RALGAPA2: variants seen among roughly 807,000 people sequenced by gnomAD.
RALGAPA2 encodes the protein ral GTPase-activating protein subunit alpha-2.
In RALGAPA2, 139 loss-of-function variants were observed where a neutral mutation model predicts 230.4. The observed-to-expected ratio is 0.60, with a 90% CI of 0.53 to 0.69. RALGAPA2 has a LOEUF of 0.69. Ranked by LOEUF, RALGAPA2 falls within the 30% of genes least tolerant of loss-of-function variation. RALGAPA2 has a pLI of 0.00. For synonymous variants in RALGAPA2, 847 were observed against 837.8 expected (o/e 1.01, Z -0.19); for missense variants, 2,163 against 2,276.0 (o/e 0.95, Z 1.01).
intron 24 of RALGAPA2, among the ~76,000 whole-genome samples, chr20:20,546,360 T>G (rs1050338498): frequency 6.6e-6 from 1 of 152,244 alleles, no homozygotes; most frequent in Non-Finnish European, 1.5e-5. Flanking sequence ...CTAATGTACA[T>G]TTTAAAACTC....
At chr20:20,618,348 C>A (rs1296657609) in intron 12 of RALGAPA2, among the ~76,000 whole-genome samples, 1 of 152,040 alleles carries the variant, frequency 6.6e-6, no homozygotes, top group Non-Finnish European at 1.5e-5. Flanking sequence ...ATGAGCAGCA[C>A]CAAAAGTCTT....
chr20:20,531,500 C>T (rs1008671445), intron 27 of RALGAPA2, among the ~76,000 whole-genome samples, 187 bp downstream of exon 27: 1 of 152,228 alleles, frequency 6.6e-6, no homozygotes, highest in Non-Finnish European at 1.5e-5. Flanking sequence ...ACACTCGTGG[C>T]CAGGCTGCAG....
intron 3 of RALGAPA2, among the ~76,000 whole-genome samples, chr20:20,674,962 A>G (rs2068266519): frequency 6.6e-6 from 1 of 152,206 alleles, no homozygotes. Context: ...TGTCAAGAGT[A>G]TGTGCTTTAT....
intron 21 of RALGAPA2, 106 bp from the exon 22 acceptor site, chr20:20,572,052 A>G (rs2064660177): frequency 1.4e-6 from 1 of 734,736 alleles, no homozygotes; most frequent in African/African-American, 1.8e-5. Context: ...TAATTTCTAT[A>G]AGTGAAAACC....
intron 3 of RALGAPA2, among the ~76,000 whole-genome samples, chr20:20,664,797 A>G (rs1182807713): frequency 6.6e-6 from 1 of 152,180 alleles, no homozygotes; most frequent in African/African-American, 2.4e-5. Flanking sequence ...CACCCCATAA[A>G]TTCAGAGGAT....
chr20:20,544,395 G>C (rs2063727296), intron 24 of RALGAPA2, among the ~76,000 whole-genome samples: 2 of 151,564 alleles, frequency 1.3e-5, no homozygotes, highest in Admixed American at 6.6e-5. Context: ...TGGAGAAATA[G>C]GAATGCTTTT....
intron 37 of RALGAPA2, among the ~76,000 whole-genome samples, chr20:20,426,438 T>C (rs1189457072): frequency 6.6e-6 from 1 of 152,196 alleles, no homozygotes; most frequent in Non-Finnish European, 1.5e-5. Flanking sequence ...TTGAAAATAA[T>C]GAGTCTTGAT....
intron 24 of RALGAPA2, 105 bp from the exon 25 acceptor site, chr20:20,536,889 T>C: frequency 7.6e-7 from 1 of 1,309,348 alleles, no homozygotes; most frequent in Non-Finnish European, 1.0e-6. Context: ...ATACCAAACT[T>C]GGCCGAGTTA....
intron 37 of RALGAPA2, among the ~76,000 whole-genome samples, chr20:20,452,652 C>CCGGCCTTCAGAGGGGTAAG (rs1401051878): frequency 6.6e-6 from 1 of 152,234 alleles, no homozygotes; most frequent in Non-Finnish European, 1.5e-5. Flanking sequence ...GGCGACAATG[C>CCGGCCTTCAGAGGGGTAAG]CGGCCTTCAG....
In RALGAPA2 at chr20:20,393,253, C is replaced by A. The variant is rs745707907; in HGVS notation, c.*36G>T. On this transcript the variant is annotated splice_region_variant and 3_prime_UTR_variant, in exon 40 of 40. Coordinates refer to ENST00000202677, the MANE Select transcript of RALGAPA2 (RefSeq NM_020343.4). ...AGCACTCAGACTGGAGGCCAGGGCCCCTGCAAAGGAAGCAGAGAACTGCTA... is the reference window on the plus strand; with the variant it reads ...AGCACTCAGACTGGAGGCCAGGGCCACTGCAAAGGAAGCAGAGAACTGCTA... 1 of 1,343,322 alleles carries A rather than the reference C, an allele frequency of 7.4e-7. No individual in the cohort carries two copies. 83.2% of individuals were successfully genotyped at this position (1,343,322 alleles called of 1,614,324 possible).
chr20:20,556,245 T>C (rs2064079790), intron 23 of RALGAPA2, among the ~76,000 whole-genome samples: 1 of 152,158 alleles, frequency 6.6e-6, no homozygotes, highest in Admixed American at 6.5e-5. Flanking sequence ...GAACAAAACA[T>C]AAAGCCCCTT....
At chr20:20,699,540 A>C (rs2069257332) in intron 1 of RALGAPA2, among the ~76,000 whole-genome samples, 1 of 152,254 alleles carries the variant, frequency 6.6e-6, no homozygotes, top group African/African-American at 2.4e-5. Context: ...GTTGTAAAGA[A>C]GCAATGTATG....
chr20:20,458,875 T>TAC lies in RALGAPA2; in HGVS notation c.5495+13952_5495+13953dup, dbSNP rs1278682594. On this transcript the variant is annotated intron_variant, in intron 37 of 39. Coordinates refer to ENST00000202677, the MANE Select transcript of RALGAPA2 (RefSeq NM_020343.4). ...ATAGACCTATATATATATATATATA[T>TAC]ACACACACACAAATAAATAAAATAT... Among the ~76,000 whole-genome samples the TAC allele has an allele frequency of 1.0e-3, 124 of 120,148 alleles. 4 individuals carry two copies. Among genetic ancestry groups the TAC allele is most frequent in the East Asian group, 9.2e-3 (30 of 3,260 alleles). The allele number at this position is 120,148 out of a possible 152,430, so 78.8% of individuals were successfully genotyped here. A position where few individuals can be genotyped will look rare whatever the true frequency, so the allele number is the denominator to read the frequency against.
At chr20:20,666,138 T>C (rs1049858477) in intron 3 of RALGAPA2, among the ~76,000 whole-genome samples, 1 of 152,198 alleles carries the variant, frequency 6.6e-6, no homozygotes, top group African/African-American at 2.4e-5. Context: ...TGACCCAAAA[T>C]CTTAGTCATG....
chr20:20,564,294 G>A (rs1476823614), intron 23 of RALGAPA2, among the ~76,000 whole-genome samples: 4 of 152,206 alleles, frequency 2.6e-5, no homozygotes, highest in African/African-American at 7.2e-5. Flanking sequence ...ACTCCATCAT[G>A]CTTCTTGTCC....
At chr20:20,622,920 G>A (rs898103791) in intron 10 of RALGAPA2, among the ~76,000 whole-genome samples, 7 of 152,050 alleles carry the variant, frequency 4.6e-5, no homozygotes, top group Admixed American at 6.5e-5. Context: ...AAACTGAGGA[G>A]TAAATAGAGC....
intron 38 of RALGAPA2, among the ~76,000 whole-genome samples, chr20:20,402,054 C>G (rs539954690): frequency 6.6e-6 from 1 of 152,198 alleles, no homozygotes; most frequent in African/African-American, 2.4e-5. Context: ...GGGTCCCCCA[C>G]AGCAGGCACG....
In RALGAPA2 at chr20:20,571,538, G is replaced by C; in HGVS notation, c.3076C>G (p.Arg1026Gly). ...YRLICAMMTR[R>G]QDVLPNSDFL... ...TCTGAGTTTGGCAGAACGTCCTGGC[G>C]TCTGGTCATCATGGCACAGATCAGC... The change falls in exon 23 of 40, where the codon CGC (arginine) becomes GGC (glycine). Residue 1026 changes from arginine (R) to glycine (G), a missense_variant. Transcript: ENST00000202677. The C allele has an allele frequency of 6.2e-7, 1 of 1,612,546 alleles. No individual in the cohort carries two copies. The highest frequency in any genetic ancestry group is 8.5e-7 in the Non-Finnish European group (1 of 1,179,318).
intron 37 of RALGAPA2, among the ~76,000 whole-genome samples, chr20:20,444,114 G>T (rs1337913181): frequency 6.6e-6 from 1 of 152,166 alleles, no homozygotes; most frequent in African/African-American, 2.4e-5. Flanking sequence ...GTGCAGCCAG[G>T]GTTGGGAACC....
Sources: allele counts gnomAD v4.1 joint callset (sites outside exome capture counted in the v4.1 genomes callset), GRCh38; gene constraint gnomAD v4.1.1; transcripts MANE v1.5; gene names NCBI Gene and HGNC (gene_info 2026-07-23, HGNC 2026-07-21).